Variants in HYCC1 observed in about 807,000 individuals in gnomAD.
HYCC1 encodes the protein hyccin PI4KA lipid kinase complex subunit 1.
chr7:22,931,215 G>A, the HYCC1 span, among the ~76,000 whole-genome samples: 1 of 146,724 alleles, frequency 6.8e-6, no homozygotes, highest in Non-Finnish European at 1.5e-5. Flanking sequence ...GAGACAGAAT[G>A]GAATGAGGCA....
the HYCC1 span, among the ~76,000 whole-genome samples, chr7:22,991,966 A>G: frequency 6.6e-6 from 1 of 152,096 alleles, no homozygotes; most frequent in Non-Finnish European, 1.5e-5. Context: ...TTCTGATTCT[A>G]TTACTTACTT....
At chr7:22,964,755 T>C in the HYCC1 span, among the ~76,000 whole-genome samples, 1 of 152,142 alleles carries the variant, frequency 6.6e-6, no homozygotes, top group African/African-American at 2.4e-5. Context: ...ACAGAGTAAA[T>C]GAACCAGATT....
At chr7:22,962,745 C>A in the HYCC1 span, among the ~76,000 whole-genome samples, 1 of 151,342 alleles carries the variant, frequency 6.6e-6, no homozygotes, top group African/African-American at 2.4e-5. Flanking sequence ...CTACCTCCCC[C>A]CATTTCCATG....
At chr7:22,945,805 A>C in the HYCC1 span, 1 of 1,613,818 alleles carries the variant, frequency 6.2e-7, no homozygotes, top group Non-Finnish European at 8.5e-7. Context: ...AGGATTTACT[A>C]AATACAGTCG....
At chr7:22,928,091 A>T in the HYCC1 span, among the ~76,000 whole-genome samples, 1 of 152,216 alleles carries the variant, frequency 6.6e-6, no homozygotes, top group Non-Finnish European at 1.5e-5. Flanking sequence ...AAACCACATG[A>T]TTATCTCAAT....
the HYCC1 span, chr7:22,934,450 T>C: frequency 1.3e-5 from 2 of 152,172 alleles, no homozygotes; most frequent in African/African-American, 2.4e-5. Flanking sequence ...TCTTGGGCCT[T>C]TTACCCAGAT....
At chr7:22,953,600 T>C in the HYCC1 span, among the ~76,000 whole-genome samples, 2 of 152,030 alleles carry the variant, frequency 1.3e-5, no homozygotes, top group East Asian at 3.9e-4. Flanking sequence ...AAACTTAATA[T>C]CCACATGTGT....
the HYCC1 span, among the ~76,000 whole-genome samples, chr7:22,959,900 A>C: frequency 6.6e-6 from 1 of 152,212 alleles, no homozygotes; most frequent in South Asian, 2.1e-4. Context: ...CACTTGCTTA[A>C]GAGTTCACTG....
the HYCC1 span, among the ~76,000 whole-genome samples, chr7:22,907,499 T>C: frequency 0.017 from 2,569 of 152,276 alleles, 76 homozygotes; most frequent in African/African-American, 0.058. Flanking sequence ...TTTTAGGTAT[T>C]AGAGACTTCA....
the HYCC1 span, among the ~76,000 whole-genome samples, chr7:23,010,847 T>C: frequency 6.6e-6 from 1 of 152,192 alleles, no homozygotes; most frequent in Non-Finnish European, 1.5e-5. Context: ...ATGAAAGCTA[T>C]AGCTATCATT....
chr7:22,962,534 A>AC, the HYCC1 span, among the ~76,000 whole-genome samples: 1 of 145,868 alleles, frequency 6.9e-6, no homozygotes, highest in Admixed American at 7.1e-5. Context: ...AATCCCTTTC[A>AC]CCCCCCAGCG....
the HYCC1 span, chr7:22,937,585 A>C: frequency 6.6e-6 from 1 of 152,216 alleles, no homozygotes; most frequent in Non-Finnish European, 1.5e-5. Flanking sequence ...ATATTAGAGA[A>C]TAAAAGGAGT....
the HYCC1 span, chr7:22,937,431 T>G: frequency 6.6e-6 from 1 of 152,158 alleles, no homozygotes; most frequent in Admixed American, 6.6e-5. Flanking sequence ...TGTCAAACAT[T>G]AGCCCAGAAA....
the HYCC1 span, chr7:22,937,418 A>C: frequency 6.6e-6 from 1 of 152,214 alleles, no homozygotes. Flanking sequence ...AGTGAATAAT[A>C]AATGTCAAAC....
At chr7:22,973,233 C>A in the HYCC1 span, among the ~76,000 whole-genome samples, 2 of 152,212 alleles carry the variant, frequency 1.3e-5, no homozygotes, top group Admixed American at 6.5e-5. Context: ...TTACTTATCA[C>A]CACAGTTCTG....
At chr7:22,959,604 T>C in the HYCC1 span, among the ~76,000 whole-genome samples, 1 of 151,562 alleles carries the variant, frequency 6.6e-6, no homozygotes, top group South Asian at 2.1e-4. Flanking sequence ...AAAAATAATA[T>C]GAAATTAAAT....
the HYCC1 span, among the ~76,000 whole-genome samples, chr7:23,000,050 C>G: frequency 6.6e-6 from 1 of 151,882 alleles, no homozygotes; most frequent in African/African-American, 2.4e-5. Context: ...CAAAAACTAT[C>G]AACACCTAGG....
At chr7:22,993,484 T>C in the HYCC1 span, among the ~76,000 whole-genome samples, 1 of 152,126 alleles carries the variant, frequency 6.6e-6, no homozygotes, top group Non-Finnish European at 1.5e-5. Flanking sequence ...GCAGATGATA[T>C]CTGCAATTCA....
At chr7:22,935,733 C>A in the HYCC1 span, 1 of 152,218 alleles carries the variant, frequency 6.6e-6, no homozygotes, top group Non-Finnish European at 1.5e-5. Flanking sequence ...TCAACCTCCG[C>A]TTCTCAGGTT....
Sources: allele counts gnomAD v4.1 joint callset (sites outside exome capture counted in the v4.1 genomes callset), GRCh38; gene constraint gnomAD v4.1.1; transcripts MANE v1.5; gene names NCBI Gene and HGNC (gene_info 2026-07-23, HGNC 2026-07-21).